CARD19: variants seen among roughly 807,000 people sequenced by gnomAD.
The protein encoded by CARD19 is caspase recruitment domain family member 19.
In CARD19, 25 loss-of-function variants were observed where a neutral mutation model predicts 24.1. That is an observed-to-expected ratio of 1.04 (90% CI 0.76 to 1.45). The LOEUF (loss-of-function observed/expected upper bound fraction) is 1.45, where lower values mean the gene tolerates loss of function less well. CARD19 is among the 40% of genes most tolerant of loss of function. CARD19 has a pLI of 0.00. For missense variants in CARD19, 241 were observed against 247.4 expected (o/e 0.97, Z 0.17); for synonymous variants, 103 against 104.9 (o/e 0.98, Z 0.11).
chr9:93,111,559 A>G, intron 3 of CARD19: 2 of 1,245,206 alleles, frequency 1.6e-6, no homozygotes, highest in Non-Finnish European at 2.0e-6. Context: ...CCAGCCCTGC[A>G]GGTGGGACTG....
chr9:93,100,299 C>CTGTTTT (rs1827030099), intron 1 of CARD19, among the ~76,000 whole-genome samples: 1 of 152,192 alleles, frequency 6.6e-6, no homozygotes, highest in Non-Finnish European at 1.5e-5. Flanking sequence ...CATGATGACA[C>CTGTTTT]TGTTTTTGTT....
intron 3 of CARD19, 74 bp from the exon 4 acceptor site, chr9:93,111,805 G>C: frequency 1.3e-6 from 2 of 1,578,778 alleles, no homozygotes; most frequent in Non-Finnish European, 1.7e-6. Context: ...GCAACCTTGG[G>C]CTTCCTGCGG....
intron 2 of CARD19, among the ~76,000 whole-genome samples, chr9:93,108,297 C>A (rs545274860): frequency 6.6e-6 from 1 of 152,150 alleles, no homozygotes; most frequent in Non-Finnish European, 1.5e-5. Flanking sequence ...AGGTTCAAAG[C>A]GGGCAAACAA....
At chr9:93,100,560 T>C (rs551311628) in intron 1 of CARD19, among the ~76,000 whole-genome samples, 1 of 152,390 alleles carries the variant, frequency 6.6e-6, no homozygotes, top group Non-Finnish European at 1.5e-5. Context: ...TGAGAAAATA[T>C]ATGGAAACAT....
chr9:93,109,388 G>A (rs776059352), intron 2 of CARD19, among the ~76,000 whole-genome samples: 1 of 151,874 alleles, frequency 6.6e-6, no homozygotes, highest in Non-Finnish European at 1.5e-5. Context: ...AGGTCCTGGA[G>A]GTCAAGGCCC....
intron 1 of CARD19, among the ~76,000 whole-genome samples, chr9:93,098,793 T>C (rs1826974786): frequency 6.6e-6 from 1 of 152,140 alleles, no homozygotes; most frequent in South Asian, 2.1e-4. Flanking sequence ...CAGCGGAGGC[T>C]CTGCCTGGTT....
At chr9:93,097,469 T>C (rs1826921408) in intron 1 of CARD19, among the ~76,000 whole-genome samples, 1 of 152,196 alleles carries the variant, frequency 6.6e-6, no homozygotes, top group Non-Finnish European at 1.5e-5. Context: ...GGACCCTGTG[T>C]TGGGTGATTC....
intron 5 of CARD19, 117 bp from the exon 6 acceptor site, chr9:93,112,875 G>C: frequency 1.6e-6 from 1 of 642,224 alleles, no homozygotes; most frequent in Non-Finnish European, 2.7e-6. Context: ...GACCATGACC[G>C]GGAGGGAGCA....
intron 2 of CARD19, 110 bp downstream of exon 2, chr9:93,107,926 C>G: frequency 7.4e-7 from 1 of 1,351,946 alleles, no homozygotes. Flanking sequence ...GGATGACACA[C>G]TAGGTATGTC....
chr9:93,110,551 C>T lies in CARD19; in HGVS notation c.151-17C>T. 6.4e-7 allele frequency: 1 copy of T among 1,572,626 alleles called. No individual in the cohort carries two copies. Among genetic ancestry groups the T allele is most frequent in the African/African-American group, 1.3e-5 (1 of 74,464 alleles). Reference sequence around the variant, plus strand: ...CCCCCTGGCCTGATCTTCCCTGGCACCCCCTTGTACCCTCAGTTCCGGAAC... The same window carrying T: ...CCCCCTGGCCTGATCTTCCCTGGCATCCCCTTGTACCCTCAGTTCCGGAAC... On this transcript the variant is annotated splice_polypyrimidine_tract_variant and intron_variant, in intron 2 of 5. Coordinates refer to ENST00000375464, the MANE Select transcript of CARD19 (RefSeq NM_032310.5).
At chr9:93,097,060 G>A (rs1826897825) in intron 1 of CARD19, among the ~76,000 whole-genome samples, 1 of 152,206 alleles carries the variant, frequency 6.6e-6, no homozygotes. Flanking sequence ...TCCCAAACAG[G>A]GTGACTCTGC....
intron 1 of CARD19, among the ~76,000 whole-genome samples, chr9:93,097,472 G>A (rs1012103645): frequency 5.3e-5 from 8 of 152,258 alleles, no homozygotes; most frequent in African/African-American, 1.9e-4. Context: ...CCCTGTGTTG[G>A]GTGATTCCTG....
chr9:93,108,223 G>A (rs1827337994), intron 2 of CARD19, among the ~76,000 whole-genome samples: 1 of 152,236 alleles, frequency 6.6e-6, no homozygotes, highest in Non-Finnish European at 1.5e-5. Context: ...GAAGTGGGAT[G>A]GGGAACAGAT....
chr9:93,107,521 A>G (rs1448937620), intron 1 of CARD19, among the ~76,000 whole-genome samples, 153 bp from the exon 2 acceptor site: 1 of 152,262 alleles, frequency 6.6e-6, no homozygotes, highest in African/African-American at 2.4e-5. Flanking sequence ...TGCGCACCAC[A>G]CAGGCTGGGA....
chr9:93,112,943 C>G (rs1010550590), intron 5 of CARD19, 49 bp from the exon 6 acceptor site: 2 of 1,337,722 alleles, frequency 1.5e-6, no homozygotes, highest in Non-Finnish European at 2.1e-6. Context: ...ACACAGAATT[C>G]ACCTCTGGGA....
chr9:93,100,371 C>T (rs1014163396), intron 1 of CARD19, among the ~76,000 whole-genome samples: 2 of 152,162 alleles, frequency 1.3e-5, no homozygotes, highest in African/African-American at 4.8e-5. Flanking sequence ...AGTGCAGTGG[C>T]GCACTCTCGG....
chr9:93,101,958 A>ATTTTTTTTTTTTTTTTT (rs34848135), intron 1 of CARD19, among the ~76,000 whole-genome samples: 1 of 138,802 alleles, frequency 7.2e-6, no homozygotes. Flanking sequence ...AATGATGAGC[A>ATTTTTTTTTTTTTTTTT]TTTTTTTTTT....
intron 3 of CARD19, chr9:93,111,122 T>C: frequency 8.0e-7 from 1 of 1,252,030 alleles, no homozygotes; most frequent in Non-Finnish European, 1.0e-6. Flanking sequence ...CAGCTGGAAT[T>C]ACCCAACCCC....
At chr9:93,111,037 T>G in intron 3 of CARD19, 26 of 1,389,594 alleles carry the variant, frequency 1.9e-5, no homozygotes, top group East Asian at 7.3e-5. Flanking sequence ...TCTAACCTCA[T>G]TCCACGGGGA....
Sources: allele counts gnomAD v4.1 joint callset (sites outside exome capture counted in the v4.1 genomes callset), GRCh38; gene constraint gnomAD v4.1.1; transcripts MANE v1.5; gene names NCBI Gene and HGNC (gene_info 2026-07-23, HGNC 2026-07-21).